LMNB1: variants seen among roughly 807,000 people sequenced by gnomAD.
LMNB1 encodes the protein lamin-B1.
Under a neutral mutation model 67.1 loss-of-function variants are expected in LMNB1, and 23 were observed. The ratio of observed to expected loss-of-function variants is 0.34; its 90% confidence interval spans 0.25 to 0.49. LMNB1 has a LOEUF of 0.49. Among genes scored for constraint, LMNB1 ranks in the 20% least tolerant of loss-of-function variants. The pLI, the probability that LMNB1 is intolerant of heterozygous loss-of-function variation, is 0.99. For synonymous variants in LMNB1, 281 were observed against 282.9 expected, an observed-to-expected ratio of 0.99 and a Z score of 0.07; for missense variants, 634 against 746.5, an observed-to-expected ratio of 0.85 and a Z score of 1.76.
chr5:126,783,777 T>C lies in LMNB1; in HGVS notation c.359+5910T>C, dbSNP rs116685649. On this transcript the variant is annotated intron_variant, in intron 1 of 10. Transcript: ENST00000261366. ...GGTTATATTTATTCTTTCGTTTGTATAGATGGTGTCACCTCTGATATGTCT... is the reference window on the plus strand; with the variant it reads ...GGTTATATTTATTCTTTCGTTTGTACAGATGGTGTCACCTCTGATATGTCT... 7.2e-3 allele frequency among the ~76,000 whole-genome samples: 1,103 copies of C among 152,268 alleles called. 8 individuals are homozygous for C. Among genetic ancestry groups the C allele is most frequent in the African/African-American group, 0.025 (1,029 of 41,564 alleles).
rs1751383064 is a variant in LMNB1 at position 126,804,988 on chromosome 5, T to G, written c.516+56T>G. On this transcript the variant is annotated intron_variant, in intron 2 of 10. Coordinates refer to ENST00000261366, the MANE Select transcript of LMNB1 (RefSeq NM_005573.4). ...TGACAGGTTAATTGCCTCATCTGCC[T>G]TAAGCCATAGTTTGATTGATTGATT... The G allele has an allele frequency of 3.5e-6, 5 of 1,412,448 alleles. No individual in the cohort carries two copies. The East Asian group carries it at 1.2e-4, about 34-fold the overall frequency. The allele number at this position is 1,412,448 out of a possible 1,614,324, so 87.5% of individuals were successfully genotyped here. A position where few individuals can be genotyped will look rare whatever the true frequency, so the allele number is the denominator to read the frequency against.
rs1481102681 is a variant in LMNB1, at chr5:126,819,287, A to G, written c.1160+145A>G. On this transcript the variant is annotated intron_variant, in intron 6 of 10. Coordinates refer to ENST00000261366, the MANE Select transcript of LMNB1 (RefSeq NM_005573.4). ...CACCTAGGTATAGAAGTAGTAATAG[A>G]TCATATTTCTACCTCATCGCAGAAA... is the stretch of plus-strand genomic sequence containing the variant. The G allele has an allele frequency of 8.6e-5, 50 of 583,430 alleles. No individual in the cohort carries two copies. In the East Asian group the frequency reaches 1.4e-3, roughly 16 times the overall value. The allele number at this position is 583,430 out of a possible 1,614,324, so 36.1% of individuals were successfully genotyped here. A position where few individuals can be genotyped will look rare whatever the true frequency, so the allele number is the denominator to read the frequency against.
At chr5:126,797,036 G>A (rs185781784) in intron 1 of LMNB1, among the ~76,000 whole-genome samples, 1 of 152,114 alleles carries the variant, frequency 6.6e-6, no homozygotes, top group African/African-American at 2.4e-5. Context: ...TGATCCACCC[G>A]CTGCAGCCTC....
Position 126,777,537 on chromosome 5 carries a change from G to T in LMNB1, c.29G>T (p.Arg10Leu), listed in dbSNP as rs540123967. The stretch of plus-strand genomic sequence containing the variant: ...GCGACTGCGACCCCCGTGCCGCCGC[G>T]GATGGGCAGCCGCGCTGGCGGCCCC... MATATPVPPRMGSRAGGPTT... is the reference protein window; with the variant it reads MATATPVPPLMGSRAGGPTT... Residue 10 changes from arginine (R) to leucine (L), a missense_variant, in exon 1 of 11, where the codon CGG (arginine) becomes CTG (leucine). By Grantham distance (102) the Arg-to-Leu change is moderately radical (BLOSUM62 -2). Coordinates refer to ENST00000261366, the MANE Select transcript of LMNB1 (RefSeq NM_005573.4). The T allele has an allele frequency of 2.1e-4, 296 of 1,413,680 alleles. No homozygotes were observed. The African/African-American group carries it at 3.7e-3, about 18-fold the overall frequency. 87.6% of individuals were successfully genotyped at this position (1,413,680 alleles called of 1,614,324 possible).
Position 126,804,793 on chromosome 5 carries a change from C to T in LMNB1, c.377C>T (p.Ser126Phe). The part of the protein sequence containing the change: ...QLLLNYAKKE[S>F]DLNGAQIKLR... ...TGTTCCAGCTATGCTAAGAAGGAAT[C>T]TGATCTTAATGGCGCCCAGATCAAG... Residue 126 changes from serine to phenylalanine, a missense_variant, in exon 2 of 11, where the codon TCT becomes TTT. Physicochemically the swap from Ser to Phe is radical, Grantham distance 155. Transcript: ENST00000261366. The T allele has an allele frequency of 6.2e-7, 1 of 1,613,962 alleles. No individual in the cohort carries two copies. The highest frequency in any genetic ancestry group is 1.3e-5 in the African/African-American group (1 of 75,034).
chr5:126,835,467 G>T (rs1179569207), intron 10 of LMNB1, among the ~76,000 whole-genome samples: 1 of 152,236 alleles, frequency 6.6e-6, no homozygotes, highest in Non-Finnish European at 1.5e-5. Flanking sequence ...ATCCACTGCA[G>T]ATGGCTTGGG....
intron 3 of LMNB1, among the ~76,000 whole-genome samples, chr5:126,807,822 T>C (rs1384517252): frequency 6.7e-6 from 1 of 149,636 alleles, no homozygotes; most frequent in Non-Finnish European, 1.5e-5. Context: ...CTTTGCCTTT[T>C]TGAGAATGGA....
chr5:126,777,926 GA>G (rs1750514639), intron 1 of LMNB1, 59 bp downstream of exon 1: 3 of 1,373,310 alleles, frequency 2.2e-6, no homozygotes, highest in Non-Finnish European at 1.9e-6. Context: ...CAACCGCGGC[GA>G]CCAGCTCACC....
intron 1 of LMNB1, among the ~76,000 whole-genome samples, chr5:126,781,703 TG>T (rs2112918383): frequency 6.6e-6 from 1 of 152,316 alleles, no homozygotes; most frequent in East Asian, 1.9e-4. Flanking sequence ...CCCAAGGTGC[TG>T]GGATTATAGG....
chr5:126,826,607 C>T (rs1030768726), intron 9 of LMNB1, among the ~76,000 whole-genome samples: 2 of 152,118 alleles, frequency 1.3e-5, no homozygotes, highest in African/African-American at 4.8e-5. Context: ...TGTGTGTTTT[C>T]AGTGTGTCAG....
At chr5:126,836,101 AG>A (rs1163864466) in intron 10 of LMNB1, 121 bp from the exon 11 acceptor site, 2 of 710,204 alleles carry the variant, frequency 2.8e-6, no homozygotes, top group Non-Finnish European at 2.5e-6. Context: ...GAGATGATAA[AG>A]GGTCCATTTG....
At chr5:126,800,951 C>CTACATATATATATATATA (rs1210732092) in intron 1 of LMNB1, among the ~76,000 whole-genome samples, 36 of 47,306 alleles carry the variant, frequency 7.6e-4, no homozygotes, top group Non-Finnish European at 1.2e-3. Flanking sequence ...TGCAGCCAGA[C>CTACATATATATATATATA]TATATATATA....
chr5:126,777,909 G>C, intron 1 of LMNB1, 42 bp downstream of exon 1: 1 of 1,380,930 alleles, frequency 7.2e-7, no homozygotes. Flanking sequence ...AAGGAGGGGC[G>C]GGGGCGCAAC....
chr5:126,818,448 G>A (rs2126726387), intron 5 of LMNB1, among the ~76,000 whole-genome samples: 1 of 152,148 alleles, frequency 6.6e-6, no homozygotes. Flanking sequence ...CGCCATGTTA[G>A]TCAGGCTGGT....
intron 9 of LMNB1, among the ~76,000 whole-genome samples, chr5:126,826,727 A>G (rs1680646098): frequency 6.6e-6 from 1 of 152,162 alleles, no homozygotes; most frequent in Admixed American, 6.5e-5. Flanking sequence ...TAAAGCGGCT[A>G]AAGTGTGCTT....
intron 9 of LMNB1, 134 bp downstream of exon 9, chr5:126,826,241 T>C (rs1751996864): frequency 2.0e-6 from 2 of 1,009,344 alleles, no homozygotes; most frequent in African/African-American, 3.2e-5. Flanking sequence ...TTAATTGAAC[T>C]GAAGCTGTCT....
chr5:126,823,664 G>A (rs1322333373), intron 8 of LMNB1, among the ~76,000 whole-genome samples: 3 of 152,154 alleles, frequency 2.0e-5, no homozygotes, highest in African/African-American at 7.2e-5. Context: ...TGTTTTAAAT[G>A]TGTTTATAAT....
In LMNB1 at chr5:126,833,176, T is replaced by G. The variant is rs530799182; in HGVS notation, c.1719+375T>G. 2.6e-5 allele frequency among the ~76,000 whole-genome samples: 4 copies of G among 152,298 alleles called. No individual in the cohort carries two copies. The South Asian group carries it at 8.3e-4, about 32-fold the overall frequency. ...TAGAGCAAGAATCTGCATATAAACT[T>G]TAAAAAAACAAAGTAATATTCAACT... On this transcript the variant is annotated intron_variant, in intron 10 of 10. Transcript: ENST00000261366.
chr5:126,795,262 C>G (rs1182159457), intron 1 of LMNB1, among the ~76,000 whole-genome samples: 1 of 151,862 alleles, frequency 6.6e-6, no homozygotes, highest in East Asian at 1.9e-4. Context: ...CTCAGTCTCT[C>G]TAGTAGCTGG....
Sources: allele counts gnomAD v4.1 joint callset (sites outside exome capture counted in the v4.1 genomes callset), GRCh38; gene constraint gnomAD v4.1.1; transcripts MANE v1.5; gene names NCBI Gene and HGNC (gene_info 2026-07-23, HGNC 2026-07-21).